TMEM71: variants seen among roughly 807,000 people sequenced by gnomAD.
TMEM71 encodes transmembrane protein 71.
A neutral mutation model predicts 38.0 loss-of-function variants in TMEM71; 44 were observed. The ratio of observed to expected loss-of-function variants is 1.16; its 90% confidence interval spans 0.91 to 1.49. TMEM71 has a LOEUF of 1.49. Among genes scored for constraint, TMEM71 ranks in the 40% most tolerant of loss-of-function variants. The probability of loss-of-function intolerance (pLI) is 0.00; values close to 1 mark genes in which losing one functional copy is unlikely to be tolerated. For synonymous variants in TMEM71, 133 were observed against 122.5 expected (o/e 1.09, Z -0.56); for missense variants, 367 against 348.6 (o/e 1.05, Z -0.42).
intron 9 of TMEM71, among the ~76,000 whole-genome samples, chr8:132,713,303 G>A (rs10110735): frequency 0.57 from 86,100 of 151,560 alleles, 27,544 homozygotes; most frequent in African/African-American, 0.88. Context: ...ATGTCAGTAA[G>A]TCAATATTGG....
chr8:132,740,092 C>A (rs1299054710), intron 5 of TMEM71, among the ~76,000 whole-genome samples: 1 of 152,206 alleles, frequency 6.6e-6, no homozygotes, highest in African/African-American at 2.4e-5. Context: ...GGTTTGCCCT[C>A]CACTCAGAGT....
intron 9 of TMEM71, among the ~76,000 whole-genome samples, chr8:132,711,200 T>A (rs1307074530): frequency 6.6e-6 from 1 of 152,200 alleles, no homozygotes; most frequent in Non-Finnish European, 1.5e-5. Flanking sequence ...CTCTCCTTTT[T>A]GTCTGAAAGA....
At chr8:132,738,916 A>G (rs1477959358) in intron 5 of TMEM71, among the ~76,000 whole-genome samples, 1 of 152,092 alleles carries the variant, frequency 6.6e-6, no homozygotes, top group East Asian at 1.9e-4. Flanking sequence ...TCTTCATGGC[A>G]TTGTGCCAAC....
At chr8:132,774,888 ATACAATTGTAAT>A in the TMEM71 span, among the ~76,000 whole-genome samples, 12 of 152,254 alleles carry the variant, frequency 7.9e-5, no homozygotes, top group Non-Finnish European at 1.6e-4. Context: ...CTGGAAAGCA[ATACAATTGTAAT>A]ACAGTTGTAC....
At chr8:132,753,462 A>G (rs1279425704) in intron 3 of TMEM71, among the ~76,000 whole-genome samples, 3 of 152,190 alleles carry the variant, frequency 2.0e-5, no homozygotes, top group African/African-American at 7.2e-5. Flanking sequence ...ACAGATTCTA[A>G]GAATCAGGAG....
chr8:132,736,559 G>A (rs1222577364), intron 5 of TMEM71, among the ~76,000 whole-genome samples: 2 of 152,196 alleles, frequency 1.3e-5, no homozygotes, highest in Admixed American at 1.3e-4. Context: ...GCCAGGCATG[G>A]TGGCTCACAC....
rs560821080 is a variant in TMEM71 at position 132,733,249 on chromosome 8, C to A, written c.488-5263G>T. ...AAGGTCACTTCATCTGTCCCAGACA[C>A]CAGCAATTAGTACCCAGCTCATAGT... On this transcript the variant is annotated intron_variant, in intron 5 of 9. Coordinates refer to ENST00000677595, the MANE Select transcript of TMEM71 (RefSeq NM_001382403.1). Among the ~76,000 whole-genome samples the A allele has an allele frequency of 4.6e-5, 7 of 152,282 alleles. No homozygotes were observed. In the South Asian group the frequency reaches 1.2e-3, roughly 27 times the overall value.
At chr8:132,761,720 G>A (rs1390642156), upstream of TMEM71, among the ~76,000 whole-genome samples, 1 of 152,218 alleles carries the variant, frequency 6.6e-6, no homozygotes, top group Non-Finnish European at 1.5e-5. Flanking sequence ...TAAGGCAAAG[G>A]TGCTGAGTTT....
intron 3 of TMEM71, among the ~76,000 whole-genome samples, chr8:132,756,348 T>C (rs1379862097): frequency 1.4e-5 from 2 of 147,372 alleles, no homozygotes; most frequent in Admixed American, 1.4e-4. Flanking sequence ...CAGTATTCAA[T>C]AGTTTCACCA....
At chr8:132,709,405 T>A (rs1327324538), downstream of TMEM71, among the ~76,000 whole-genome samples, 2 of 152,188 alleles carry the variant, frequency 1.3e-5, no homozygotes, top group Non-Finnish European at 2.9e-5. Context: ...GTGGTAAGCT[T>A]ACTAATGGTC....
At chr8:132,726,978 G>A (rs545507346) in intron 6 of TMEM71, among the ~76,000 whole-genome samples, 53 of 151,234 alleles carry the variant, frequency 3.5e-4, no homozygotes, top group Middle Eastern at 3.5e-3. Context: ...TGTCTCAGCC[G>A]CCAGAGTAGC....
intron 3 of TMEM71, 146 bp downstream of exon 3, chr8:132,757,088 G>C: frequency 2.4e-6 from 1 of 424,136 alleles, no homozygotes; most frequent in African/African-American, 2.1e-5. Flanking sequence ...AGTGGAGACG[G>C]GGTTTCACCG....
chr8:132,737,039 C>T (rs187905771), intron 5 of TMEM71, among the ~76,000 whole-genome samples: 1 of 152,090 alleles, frequency 6.6e-6, no homozygotes, highest in East Asian at 1.9e-4. Context: ...AATGAGAGTC[C>T]AAAATAGGCA....
At chr8:132,743,634 T>A (rs532432889) in intron 5 of TMEM71, among the ~76,000 whole-genome samples, 16 of 152,176 alleles carry the variant, frequency 1.1e-4, no homozygotes, top group Non-Finnish European at 2.4e-4. Context: ...CTGTATACCC[T>A]CTTTCTAATC....
rs909206207 is a variant in TMEM71, at chr8:132,729,997, T to C, written c.488-2011A>G. On this transcript the variant is annotated intron_variant, in intron 5 of 9. Coordinates refer to ENST00000677595, the MANE Select transcript of TMEM71 (RefSeq NM_001382403.1). ...TTTTGAGACGGAGTTTTGCTCTTGT[T>C]GCCCAGGCTGGAGTGCAATGGCGCA... 8.5e-5 allele frequency among the ~76,000 whole-genome samples: 13 copies of C among 152,128 alleles called. 1 individual carries two copies. Among genetic ancestry groups the C allele is most frequent in the African/African-American group, 3.1e-4 (13 of 41,496 alleles).
chr8:132,774,706 T>C, the TMEM71 span, among the ~76,000 whole-genome samples: 2 of 152,266 alleles, frequency 1.3e-5, no homozygotes, highest in Non-Finnish European at 2.9e-5. Flanking sequence ...CTGTGCTTAG[T>C]AAAGTTTGGG....
intron 7 of TMEM71, among the ~76,000 whole-genome samples, chr8:132,715,133 C>A (rs538274135): frequency 6.6e-6 from 1 of 151,914 alleles, no homozygotes; most frequent in Non-Finnish European, 1.5e-5. Flanking sequence ...TGCAGCAGGG[C>A]GCGGTGCTCA....
intron 9 of TMEM71, among the ~76,000 whole-genome samples, chr8:132,712,153 T>C (rs1826269206): frequency 6.6e-6 from 1 of 152,176 alleles, no homozygotes; most frequent in African/African-American, 2.4e-5. Context: ...ATGAAGTCAA[T>C]AGTCCTTGTT....
At chr8:132,719,130 C>G (rs1359021562) in intron 7 of TMEM71, among the ~76,000 whole-genome samples, 1 of 152,190 alleles carries the variant, frequency 6.6e-6, no homozygotes, top group Admixed American at 6.5e-5. Flanking sequence ...CTACCCAGAT[C>G]AAGATATAGA....
Sources: allele counts gnomAD v4.1 joint callset (sites outside exome capture counted in the v4.1 genomes callset), GRCh38; gene constraint gnomAD v4.1.1; transcripts MANE v1.5; gene names NCBI Gene and HGNC (gene_info 2026-07-23, HGNC 2026-07-21).